MMP16: variants seen among roughly 807,000 people sequenced by gnomAD.
MMP16 encodes matrix metallopeptidase 16.
In MMP16, 12 loss-of-function variants were observed where a neutral mutation model predicts 67.8. That is an observed-to-expected ratio of 0.18 (90% CI 0.11 to 0.29). The LOEUF (loss-of-function observed/expected upper bound fraction) is 0.29, where lower values mean the gene tolerates loss of function less well. Among genes scored for constraint, MMP16 ranks in the 10% least tolerant of loss-of-function variants. The pLI, the probability that MMP16 is intolerant of heterozygous loss-of-function variation, is 1.00. For missense variants in MMP16, 475 were observed against 765.7 expected (o/e 0.62, Z 4.48); for synonymous variants, 249 against 255.9 (o/e 0.97, Z 0.26).
At chr8:88,143,835 TA>T (rs1808250057) in intron 4 of MMP16, among the ~76,000 whole-genome samples, 1 of 151,968 alleles carries the variant, frequency 6.6e-6, no homozygotes. Flanking sequence ...ATTAGTAAAT[TA>T]AGATGCATTG....
At chr8:88,169,906 A>G (rs951173712) in intron 3 of MMP16, among the ~76,000 whole-genome samples, 1 of 152,196 alleles carries the variant, frequency 6.6e-6, no homozygotes, top group African/African-American at 2.4e-5. Flanking sequence ...GAACAGAGAC[A>G]TGACATTTGA....
At chr8:88,095,675 C>T (rs967067377) in intron 6 of MMP16, among the ~76,000 whole-genome samples, 3 of 151,876 alleles carry the variant, frequency 2.0e-5, no homozygotes, top group African/African-American at 7.2e-5. Flanking sequence ...AAACCAAGTA[C>T]AGCTCTTCCA....
intron 1 of MMP16, among the ~76,000 whole-genome samples, chr8:88,299,903 T>G (rs146958802): frequency 1.3e-5 from 2 of 152,342 alleles, no homozygotes; most frequent in African/African-American, 4.8e-5. Flanking sequence ...TTCCAGATTA[T>G]ATAAACAGCA....
chr8:88,291,281 T>TA (rs1413886953), intron 1 of MMP16, among the ~76,000 whole-genome samples: 2 of 151,910 alleles, frequency 1.3e-5, no homozygotes, highest in Non-Finnish European at 2.9e-5. Context: ...ACCCAGTCTC[T>TA]AAAAAAATAA....
chr8:88,167,293 A>G (rs1317551983), intron 4 of MMP16, among the ~76,000 whole-genome samples: 2 of 152,150 alleles, frequency 1.3e-5, no homozygotes, highest in Non-Finnish European at 2.9e-5. Flanking sequence ...AATCCGGATT[A>G]AATTACAAGT....
chr8:88,180,330 T>TC (rs1808959850), intron 3 of MMP16, among the ~76,000 whole-genome samples: 1 of 142,222 alleles, frequency 7.0e-6, no homozygotes, highest in Admixed American at 6.8e-5. Flanking sequence ...CAGCACAGAG[T>TC]AAAAAAAAAC....
chr8:88,100,892 C>T (rs1283361149), intron 6 of MMP16, among the ~76,000 whole-genome samples: 1 of 151,568 alleles, frequency 6.6e-6, no homozygotes, highest in South Asian at 2.1e-4. Context: ...AAACCAAACA[C>T]CGCATGTTCT....
intron 4 of MMP16, among the ~76,000 whole-genome samples, chr8:88,119,679 T>C (rs1807786664): frequency 6.6e-6 from 1 of 152,042 alleles, no homozygotes; most frequent in Non-Finnish European, 1.5e-5. Flanking sequence ...TCCTGGATCA[T>C]CATAACCATA....
At chr8:88,253,148 A>C (rs989004928) in intron 1 of MMP16, among the ~76,000 whole-genome samples, 4 of 152,078 alleles carry the variant, frequency 2.6e-5, no homozygotes, top group Admixed American at 1.3e-4. Flanking sequence ...AATGCATTTG[A>C]CACAGCTATT....
chr8:88,117,827 C>T (rs189415561), intron 5 of MMP16, among the ~76,000 whole-genome samples: 1 of 152,146 alleles, frequency 6.6e-6, no homozygotes, highest in Non-Finnish European at 1.5e-5. Context: ...CATCTATCTT[C>T]TGGATACTGG....
chr8:88,316,143 G>A (rs1379776029), intron 1 of MMP16, among the ~76,000 whole-genome samples: 2 of 152,214 alleles, frequency 1.3e-5, no homozygotes, highest in African/African-American at 4.8e-5. Context: ...GTTTAGGAAA[G>A]AAGCCATGTA....
intron 6 of MMP16, among the ~76,000 whole-genome samples, chr8:88,092,600 G>T (rs1476738434): frequency 1.3e-5 from 2 of 151,778 alleles, no homozygotes; most frequent in Non-Finnish European, 2.9e-5. Context: ...CTAAAAGTCT[G>T]CCAGGCAAAG....
At chr8:88,105,277 G>A (rs1809218080) in intron 6 of MMP16, among the ~76,000 whole-genome samples, 1 of 151,252 alleles carries the variant, frequency 6.6e-6, no homozygotes, top group African/African-American at 2.4e-5. Flanking sequence ...CCAAAAAGGT[G>A]CAGTAGATAT....
chr8:88,266,361 A>T (rs1810476849), intron 1 of MMP16, among the ~76,000 whole-genome samples: 1 of 152,120 alleles, frequency 6.6e-6, no homozygotes, highest in African/African-American at 2.4e-5. Context: ...TACTTTTCTC[A>T]GTTGAAATAA....
At chr8:88,152,386 C>G (rs1482815602) in intron 4 of MMP16, among the ~76,000 whole-genome samples, 1 of 123,722 alleles carries the variant, frequency 8.1e-6, no homozygotes, top group Non-Finnish European at 1.7e-5. Flanking sequence ...CATTCTGATA[C>G]CAAAGCTGGG....
chr8:88,070,549 G>T (rs932212521), intron 7 of MMP16, among the ~76,000 whole-genome samples: 1 of 151,962 alleles, frequency 6.6e-6, no homozygotes, highest in Admixed American at 6.6e-5. Context: ...TACGTATGGG[G>T]GTCCATCTGC....
chr8:88,222,604 C>T (rs550319871), intron 1 of MMP16, among the ~76,000 whole-genome samples: 40 of 152,206 alleles, frequency 2.6e-4, no homozygotes, highest in South Asian at 2.5e-3. Context: ...GAAAGGATTC[C>T]CTATTTAATA....
At chr8:88,142,390 C>T (rs1586172369) in intron 4 of MMP16, among the ~76,000 whole-genome samples, 1 of 151,962 alleles carries the variant, frequency 6.6e-6, no homozygotes, top group East Asian at 1.9e-4. Context: ...AAATTATGAA[C>T]AATACACAAC....
At chr8:88,262,846 CAAAAAAAAAAAAAAAA>C (rs71277991) in intron 1 of MMP16, among the ~76,000 whole-genome samples, 4 of 53,472 alleles carry the variant, frequency 7.5e-5, no homozygotes, top group South Asian at 1.3e-3. Flanking sequence ...ACTAAAAATA[CAAAAAAAAAAAAAAAA>C]AAAAAAAAAA....
Sources: allele counts gnomAD v4.1 joint callset (sites outside exome capture counted in the v4.1 genomes callset), GRCh38; gene constraint gnomAD v4.1.1; transcripts MANE v1.5; gene names NCBI Gene and HGNC (gene_info 2026-07-23, HGNC 2026-07-21).